Variants in ANGPT1 observed in about 807,000 individuals in gnomAD.
The protein encoded by ANGPT1 is angiopoietin-1.
ANGPT1 carries 17 observed loss-of-function variants against 62.2 expected under a neutral mutation model. The observed-to-expected ratio is 0.27, with a 90% confidence interval of 0.19 to 0.41. ANGPT1 has a LOEUF of 0.41. Among genes scored for constraint, ANGPT1 ranks in the 10% least tolerant of loss-of-function variants. ANGPT1 has a pLI of 1.00. For missense variants in ANGPT1, 478 were observed against 594.9 expected (o/e 0.80, Z 2.04); for synonymous variants, 199 against 198.9 (o/e 1.00, Z 0.00).
intron 5 of ANGPT1, among the ~76,000 whole-genome samples, chr8:107,302,859 A>G (rs993754350): frequency 1.3e-5 from 2 of 151,906 alleles, no homozygotes; most frequent in Non-Finnish European, 2.9e-5. Flanking sequence ...CTCTCCTCAC[A>G]GTATTTGGCT....
chr8:107,497,584 G>T lies in ANGPT1; in HGVS notation c.-26C>A. Reference sequence around the variant, plus strand: ...TGTACTGCCAGCACACTCCTTCCGTGCCTCTCGCAAAACTTGCTCCTTTCT... The same window carrying T: ...TGTACTGCCAGCACACTCCTTCCGTTCCTCTCGCAAAACTTGCTCCTTTCT... On this transcript the variant is annotated 5_prime_UTR_variant, in exon 1 of 9. Coordinates refer to ENST00000517746, the MANE Select transcript of ANGPT1 (RefSeq NM_001146.5). 1 of 1,599,024 alleles carries T rather than the reference G, an allele frequency of 6.3e-7. No homozygotes were observed. The highest frequency in any genetic ancestry group is 8.5e-7 in the Non-Finnish European group (1 of 1,170,516).
rs187901158 is a variant in ANGPT1, at chr8:107,464,868, C to T, written c.297+32394G>A. On this transcript the variant is annotated intron_variant, in intron 1 of 8. Coordinates refer to ENST00000517746, the MANE Select transcript of ANGPT1 (RefSeq NM_001146.5). The stretch of plus-strand genomic sequence containing the variant: ...GGTAAGTGTGTTGATGGTGGGGTGG[C>T]GGTGGAGGACTGTGCAGTGCACAGG... 2.7e-3 allele frequency among the ~76,000 whole-genome samples: 408 copies of T among 151,920 alleles called. 5 individuals carry two copies. The highest frequency in any genetic ancestry group is 9.6e-3 in the African/African-American group (400 of 41,454).
chr8:107,255,430 T>G (rs577584434), intron 8 of ANGPT1, among the ~76,000 whole-genome samples: 20 of 152,212 alleles, frequency 1.3e-4, no homozygotes, highest in Admixed American at 4.6e-4. Flanking sequence ...TATTACACCT[T>G]TAGACATTTT....
chr8:107,485,635 T>C (rs1485350672), intron 1 of ANGPT1, among the ~76,000 whole-genome samples: 1 of 152,098 alleles, frequency 6.6e-6, no homozygotes, highest in Non-Finnish European at 1.5e-5. Flanking sequence ...AAATAGGAAG[T>C]GAGATAAGAG....
intron 6 of ANGPT1, among the ~76,000 whole-genome samples, chr8:107,290,405 T>C (rs1814245339): frequency 6.6e-6 from 1 of 152,178 alleles, no homozygotes; most frequent in South Asian, 2.1e-4. Context: ...AAGTTCTTGT[T>C]ATCCCGAAGG....
At chr8:107,320,581 C>T (rs1358723257) in intron 4 of ANGPT1, among the ~76,000 whole-genome samples, 3 of 152,110 alleles carry the variant, frequency 2.0e-5, no homozygotes, top group Non-Finnish European at 4.4e-5. Context: ...TTCCAGTGGA[C>T]TCTAACTCAA....
At chr8:107,297,648 G>A (rs1814448696) in intron 5 of ANGPT1, among the ~76,000 whole-genome samples, 2 of 149,306 alleles carry the variant, frequency 1.3e-5, no homozygotes, top group Admixed American at 6.7e-5. Flanking sequence ...ACATGTAGAA[G>A]TTCAATAAAT....
At chr8:107,284,217 G>A (rs1814083338) in intron 7 of ANGPT1, 1 of 151,962 alleles carries the variant, frequency 6.6e-6, no homozygotes, top group Admixed American at 6.6e-5. Flanking sequence ...TCTCTTTTAT[G>A]TAAATCATTC....
chr8:107,400,704 G>A (rs1429067406), intron 1 of ANGPT1, among the ~76,000 whole-genome samples: 2 of 151,460 alleles, frequency 1.3e-5, no homozygotes, highest in Non-Finnish European at 3.0e-5. Flanking sequence ...GGACTACAGG[G>A]GCCTGCCACT....
rs573268723 is a variant in ANGPT1, at chr8:107,260,275, T to G, written c.1336+3946A>C. 2.0e-5 allele frequency among the ~76,000 whole-genome samples: 3 copies of G among 152,162 alleles called. No homozygotes were observed. The South Asian group carries it at 6.2e-4, about 32-fold the overall frequency. On this transcript the variant is annotated intron_variant, in intron 8 of 8. Transcript: ENST00000517746. ...TCTATGTACTTGAAGAAAACTAGGA[T>G]AGTTAGTGGGCAATAAATCTTATTT...
intron 1 of ANGPT1, among the ~76,000 whole-genome samples, chr8:107,396,511 TTC>T (rs1164573443): frequency 1.6e-5 from 2 of 127,048 alleles, no homozygotes; most frequent in Non-Finnish European, 3.2e-5. Flanking sequence ...TTCTTTTCTT[TTC>T]TCTCTTTTTT....
intron 1 of ANGPT1, among the ~76,000 whole-genome samples, chr8:107,453,117 T>A (rs1326548277): frequency 6.6e-6 from 1 of 152,064 alleles, no homozygotes; most frequent in Non-Finnish European, 1.5e-5. Context: ...TGAGGAGTGA[T>A]CATTCTCACA....
chr8:107,454,380 A>C (rs900031493), intron 1 of ANGPT1, among the ~76,000 whole-genome samples: 1 of 152,040 alleles, frequency 6.6e-6, no homozygotes, highest in Non-Finnish European at 1.5e-5. Context: ...TATTCTATTT[A>C]TTTGTTAAAA....
chr8:107,383,896 C>T (rs979475096), intron 1 of ANGPT1, among the ~76,000 whole-genome samples: 1 of 152,100 alleles, frequency 6.6e-6, no homozygotes, highest in Admixed American at 6.6e-5. Flanking sequence ...TCCCACAGAC[C>T]TCCCTATAGT....
chr8:107,359,435 G>A (rs911680890), intron 1 of ANGPT1, among the ~76,000 whole-genome samples: 1 of 152,114 alleles, frequency 6.6e-6, no homozygotes, highest in Non-Finnish European at 1.5e-5. Flanking sequence ...CCCAGAGAGA[G>A]CAATTAGGGG....
At chr8:107,385,472 A>G (rs1400501126) in intron 1 of ANGPT1, among the ~76,000 whole-genome samples, 1 of 152,038 alleles carries the variant, frequency 6.6e-6, no homozygotes, top group Non-Finnish European at 1.5e-5. Flanking sequence ...ATTTTTGTAC[A>G]TTGATTTTGT....
chr8:107,275,018 T>C (rs766912652), intron 7 of ANGPT1, among the ~76,000 whole-genome samples: 1 of 152,064 alleles, frequency 6.6e-6, no homozygotes, highest in Admixed American at 6.6e-5. Context: ...AAGAGCTCTA[T>C]GGACTGAGCT....
Position 107,349,122 on chromosome 8 carries a change from TTAGATAGA to T in ANGPT1, c.298-2033_298-2026del, listed in dbSNP as rs142050677. On this transcript the variant is annotated intron_variant, in intron 1 of 8. Coordinates refer to ENST00000517746, the MANE Select transcript of ANGPT1 (RefSeq NM_001146.5). ...CTCAGACAGATGTTAGATAAGGAGATTAGATAGATAGATAGATAGATAGATAGATAGAT... is the reference window on the plus strand; with the variant it reads ...CTCAGACAGATGTTAGATAAGGAGATTAGATAGATAGATAGATAGATAGAT... Among the ~76,000 whole-genome samples the T allele has an allele frequency of 4.6e-3, 663 of 143,902 alleles. 4 individuals are homozygous for T. Among genetic ancestry groups the T allele is most frequent in the Middle Eastern group, 6.9e-3 (2 of 288 alleles). 94.4% of individuals were successfully genotyped at this position (143,902 alleles called of 152,430 possible). A position where few individuals can be genotyped will look rare whatever the true frequency, so the allele number is the denominator to read the frequency against.
intron 1 of ANGPT1, among the ~76,000 whole-genome samples, chr8:107,370,624 A>AC (rs1321417870): frequency 6.7e-6 from 1 of 148,732 alleles, no homozygotes; most frequent in Non-Finnish European, 1.5e-5. Flanking sequence ...AATCACTTGA[A>AC]CCCAGGAGGT....
Sources: gnomAD v4.1 joint callset for allele counts (sites outside exome capture counted in the v4.1 genomes callset) on GRCh38, gnomAD v4.1.1 for gene constraint, MANE v1.5 for transcripts, NCBI Gene and HGNC (gene_info 2026-07-23, HGNC 2026-07-21) for gene names.